LIN9: variants seen among roughly 807,000 people sequenced by gnomAD.
LIN9 encodes the protein lin-9 DREAM MuvB core complex component.
A neutral mutation model predicts 78.0 loss-of-function variants in LIN9; 18 were observed. The observed-to-expected ratio is 0.23, with a 90% CI of 0.16 to 0.34. LIN9 has a LOEUF of 0.34. Among genes scored for constraint, LIN9 ranks in the 10% least tolerant of loss-of-function variants. LIN9 has a pLI of 1.00. For missense variants in LIN9, 451 were observed against 644.1 expected, an observed-to-expected ratio of 0.70 and a Z score of 3.25; for synonymous variants, 192 against 215.2, an observed-to-expected ratio of 0.89 and a Z score of 0.94.
intron 11 of LIN9, among the ~76,000 whole-genome samples, chr1:226,250,034 G>T (rs1658729531): frequency 6.6e-6 from 1 of 152,062 alleles, no homozygotes. Flanking sequence ...GCTGGTCGTG[G>T]TGGTGTGCGC....
At chr1:226,284,714 ACT>A (rs1232186855) in intron 6 of LIN9, among the ~76,000 whole-genome samples, 4 of 152,094 alleles carry the variant, frequency 2.6e-5, no homozygotes, top group African/African-American at 4.8e-5. Flanking sequence ...ACAGAGCAAG[ACT>A]CTGTCTCAAC....
intron 1 of LIN9, among the ~76,000 whole-genome samples, chr1:226,305,486 C>T (rs969150390): frequency 6.6e-6 from 1 of 151,922 alleles, no homozygotes; most frequent in African/African-American, 2.4e-5. Flanking sequence ...GAGGGAGACC[C>T]TGTCTCTTTA....
chr1:226,263,285 G>A (rs972332685), intron 10 of LIN9, among the ~76,000 whole-genome samples: 5 of 152,104 alleles, frequency 3.3e-5, no homozygotes, highest in African/African-American at 1.2e-4. Flanking sequence ...ATGGTCTTTA[G>A]GTGAAATGAT....
chr1:226,238,099 A>T (rs893438185), intron 12 of LIN9, among the ~76,000 whole-genome samples: 3 of 152,174 alleles, frequency 2.0e-5, no homozygotes, highest in African/African-American at 7.2e-5. Flanking sequence ...CAAATTTTGG[A>T]TGAAACTGTT....
In LIN9 at chr1:226,277,799, G is replaced by C. The variant is rs1660763476; in HGVS notation, c.658C>G (p.Leu220Val). 6.2e-7 allele frequency: 1 copy of C among 1,613,762 alleles called. No homozygotes were observed. The highest frequency in any genetic ancestry group is 8.5e-7 in the Non-Finnish European group (1 of 1,179,870). Residue 220 changes from leucine to valine, a missense_variant, in exon 7 of 15, where the codon CTG becomes GTG. Physicochemically the swap from Leu to Val is conservative, Grantham distance 32. Transcript: ENST00000681046. ...KDLPDEIPLPLVIGTKVTARL... is the reference protein window; with the variant it reads ...KDLPDEIPLPVVIGTKVTARL... ...CCTGTAACTTTCGTTCCAATAACCA[G>C]AGGCAAAGGAATTTCATCTGGGAGA...
chr1:226,304,861 T>C (rs555038436), intron 1 of LIN9, among the ~76,000 whole-genome samples: 1 of 152,150 alleles, frequency 6.6e-6, no homozygotes, highest in African/African-American at 2.4e-5. Flanking sequence ...GCAACTGTAA[T>C]AGCTGCCACT....
chr1:226,308,004 C>T (rs966199225), intron 1 of LIN9, among the ~76,000 whole-genome samples: 1 of 152,146 alleles, frequency 6.6e-6, no homozygotes, highest in Admixed American at 6.5e-5. Flanking sequence ...TTATAACTTA[C>T]TAAGAACACA....
intron 12 of LIN9, among the ~76,000 whole-genome samples, chr1:226,238,387 T>C (rs894609040): frequency 6.6e-6 from 1 of 152,162 alleles, no homozygotes; most frequent in African/African-American, 2.4e-5. Context: ...TCTCAGTACT[T>C]TGGAAGGCCA....
At chr1:226,280,842 C>G (rs1477541526) in intron 6 of LIN9, among the ~76,000 whole-genome samples, 1 of 152,066 alleles carries the variant, frequency 6.6e-6, no homozygotes, top group Non-Finnish European at 1.5e-5. Context: ...TAGAAATCTT[C>G]CTGGTATATA....
chr1:226,286,218 C>A, intron 6 of LIN9, 115 bp downstream of exon 6: 1 of 1,064,638 alleles, frequency 9.4e-7, no homozygotes, highest in Non-Finnish European at 1.3e-6. Context: ...CAGCCCTGAA[C>A]CCCTGGCCTT....
intron 11 of LIN9, among the ~76,000 whole-genome samples, chr1:226,239,336 ATAAAT>A (rs1034930768): frequency 6.6e-6 from 1 of 152,200 alleles, no homozygotes; most frequent in Non-Finnish European, 1.5e-5. Flanking sequence ...TTCTATAGAG[ATAAAT>A]TAAATGGAGC....
chr1:226,233,001 T>C (rs1657448087), intron 14 of LIN9, 95 bp downstream of exon 14: 2 of 696,454 alleles, frequency 2.9e-6, no homozygotes, highest in Admixed American at 2.8e-5. Flanking sequence ...TAATAATATA[T>C]GAGTACTTCA....
intron 10 of LIN9, among the ~76,000 whole-genome samples, chr1:226,258,154 C>A (rs1359800421): frequency 6.6e-6 from 1 of 150,842 alleles, no homozygotes; most frequent in Non-Finnish European, 1.5e-5. Context: ...GCCTAGGCTA[C>A]AGAGGGAGAC....
At chr1:226,238,634 AAT>A (rs1398304424) in intron 12 of LIN9, among the ~76,000 whole-genome samples, 1 of 152,116 alleles carries the variant, frequency 6.6e-6, no homozygotes. Context: ...TCTCAAAAAA[AAT>A]AAATAAATAA....
chr1:226,232,491 A>T lies in LIN9; in HGVS notation c.*10T>A. ...AATGTCCCGTGCAGTTGGAATAATG[A>T]AATCTTTACTCAGTCTCTGTTGGTG... On this transcript the variant is annotated 3_prime_UTR_variant, in exon 15 of 15. Transcript: ENST00000681046. 6.3e-7 allele frequency: 1 copy of T among 1,581,540 alleles called. No individual in the cohort carries two copies. The highest frequency in any genetic ancestry group is 8.7e-7 in the Non-Finnish European group (1 of 1,152,588).
intron 10 of LIN9, among the ~76,000 whole-genome samples, chr1:226,262,755 A>G (rs1008929376): frequency 2.6e-5 from 4 of 152,220 alleles, no homozygotes; most frequent in Non-Finnish European, 4.4e-5. Flanking sequence ...GCATACTCTT[A>G]CCATATGAAC....
Position 226,263,640 on chromosome 1 carries a change from A to G in LIN9, c.1038+1893T>C, listed in dbSNP as rs188175338. 5.3e-4 allele frequency among the ~76,000 whole-genome samples: 80 copies of G among 152,336 alleles called. 1 individual carries two copies. The highest frequency in any genetic ancestry group is 1.8e-3 in the African/African-American group (74 of 41,580). On this transcript the variant is annotated intron_variant, in intron 10 of 14. Coordinates refer to ENST00000681046, the MANE Select transcript of LIN9 (RefSeq NM_001366245.2). ...TGTTTTTACTTCTACTATTTAAAAGAAAAAATTAAAAACAAGTGTCTTCTT... is the reference window on the plus strand; with the variant it reads ...TGTTTTTACTTCTACTATTTAAAAGGAAAAATTAAAAACAAGTGTCTTCTT...
chr1:226,286,363 T>C lies in LIN9; in HGVS notation c.494A>G (p.Lys165Arg), dbSNP rs774591871. The change falls in exon 6 of 15, where the codon AAA (lysine) becomes AGA (arginine). Residue 165 changes from lysine to arginine, a missense_variant. Lys to Arg is a conservative substitution (Grantham distance 26). Transcript: ENST00000681046. Reference protein sequence around the residue: ...TRKLTRVEWGKIRRLMGKPRR... With the variant: ...TRKLTRVEWGRIRRLMGKPRR... ...TGGTTTTCCCATAAGCCGCCGAATT[T>C]TTCCCCATTCTACTCTTGTTAACTT... 1.2e-6 allele frequency: 2 copies of C among 1,611,840 alleles called. No individual in the cohort carries two copies. The highest frequency in any genetic ancestry group is 1.7e-5 in the Admixed American group (1 of 59,278).
At chr1:226,302,141 A>G (rs1249798484) in intron 1 of LIN9, among the ~76,000 whole-genome samples, 1 of 152,216 alleles carries the variant, frequency 6.6e-6, no homozygotes, top group Admixed American at 6.5e-5. Context: ...AATCTATATT[A>G]TTAATAAACA....
Sources: allele counts gnomAD v4.1 joint callset (sites outside exome capture counted in the v4.1 genomes callset), GRCh38; gene constraint gnomAD v4.1.1; transcripts MANE v1.5; gene names NCBI Gene and HGNC (gene_info 2026-07-23, HGNC 2026-07-21).